The following OR2L13 variants were observed in gnomAD, a reference collection of about 807,000 sequenced individuals.
The protein encoded by OR2L13 is olfactory receptor 2L13.
A neutral mutation model predicts 15.3 loss-of-function variants in OR2L13; 14 were observed. The ratio of observed to expected loss-of-function variants is 0.91; its 90% CI spans 0.60 to 1.43. The LOEUF is 1.43. Among genes scored for constraint, OR2L13 ranks in the 40% most tolerant of loss-of-function variants. The probability of loss-of-function intolerance (pLI) is 0.00; values close to 1 mark genes in which losing one functional copy is unlikely to be tolerated. For synonymous variants in OR2L13, 152 were observed against 142.9 expected (o/e 1.06, Z -0.45); for missense variants, 367 against 387.9 (o/e 0.95, Z 0.45).
chr1:248,069,119 G>C, the OR2L13 span, among the ~76,000 whole-genome samples: 1 of 152,080 alleles, frequency 6.6e-6, no homozygotes, highest in Non-Finnish European at 1.5e-5. Context: ...AGGAAATACA[G>C]AGAACGCCAC....
At chr1:248,093,885 T>C (rs74153065), upstream of OR2L13, among the ~76,000 whole-genome samples, 6,462 of 152,072 alleles carry the variant, frequency 0.042, 463 homozygotes, top group African/African-American at 0.15. Context: ...AAATAATAAA[T>C]ATAGTAGAAT....
At chr1:247,973,217 A>G in the OR2L13 span, among the ~76,000 whole-genome samples, 1 of 152,190 alleles carries the variant, frequency 6.6e-6, no homozygotes, top group East Asian at 1.9e-4. Context: ...AAACCATAAC[A>G]AGACAAAAAA....
At chr1:247,965,474 C>G in the OR2L13 span, 47 of 1,613,754 alleles carry the variant, frequency 2.9e-5, no homozygotes, top group Non-Finnish European at 3.6e-5. Flanking sequence ...GTCATTGCCA[C>G]CCTCTTTACA....
chr1:248,064,933 A>C, the OR2L13 span, among the ~76,000 whole-genome samples: 1 of 152,212 alleles, frequency 6.6e-6, no homozygotes, highest in Non-Finnish European at 1.5e-5. Flanking sequence ...GGCTCAGGAA[A>C]GCAATAAGCT....
the OR2L13 span, among the ~76,000 whole-genome samples, chr1:248,072,507 C>A: frequency 7.2e-5 from 11 of 152,128 alleles, no homozygotes; most frequent in Middle Eastern, 3.4e-3. Flanking sequence ...AACGTTAGAC[C>A]TAAAACCATA....
the OR2L13 span, among the ~76,000 whole-genome samples, chr1:248,009,817 C>G: frequency 3.7e-4 from 57 of 152,136 alleles, no homozygotes; most frequent in African/African-American, 1.3e-3. Context: ...ACTTATCCAC[C>G]ACCATCAAGT....
At chr1:248,070,263 A>G in the OR2L13 span, among the ~76,000 whole-genome samples, 483 of 152,282 alleles carry the variant, frequency 3.2e-3, 7 homozygotes, top group African/African-American at 0.011. Context: ...AACAGAAATT[A>G]TAACAAACTG....
the OR2L13 span, among the ~76,000 whole-genome samples, chr1:248,007,166 G>C: frequency 1.3e-5 from 2 of 152,070 alleles, no homozygotes; most frequent in African/African-American, 4.8e-5. Context: ...CCATCTCTCT[G>C]AAGTTAGTTG....
the OR2L13 span, among the ~76,000 whole-genome samples, chr1:248,063,988 C>T: frequency 5.9e-5 from 9 of 152,292 alleles, no homozygotes; most frequent in African/African-American, 9.6e-5. Context: ...ATGATAACAG[C>T]GGAGCATGAA....
chr1:248,018,156 AAAAT>A, the OR2L13 span, among the ~76,000 whole-genome samples: 1 of 151,048 alleles, frequency 6.6e-6, no homozygotes, highest in African/African-American at 2.5e-5. Context: ...CCATCTCAAA[AAAAT>A]AAAAAAAAAA....
At chr1:248,043,983 C>T in the OR2L13 span, among the ~76,000 whole-genome samples, 2 of 152,168 alleles carry the variant, frequency 1.3e-5, no homozygotes, top group African/African-American at 4.8e-5. Context: ...TCTGGACACT[C>T]CCAAGTCTGG....
At chr1:248,090,313 G>A (rs955206112), upstream of OR2L13, among the ~76,000 whole-genome samples, 62 of 146,892 alleles carry the variant, frequency 4.2e-4, no homozygotes, top group African/African-American at 1.5e-3. Context: ...TTAATTTCTA[G>A]TTTTTGGGGT....
the OR2L13 span, chr1:247,990,795 T>C: frequency 6.2e-7 from 1 of 1,603,098 alleles, no homozygotes; most frequent in African/African-American, 1.3e-5. Context: ...TCAATCATTT[T>C]TTCTGTGATG....
At chr1:247,991,061 G>A in the OR2L13 span, 7 of 1,572,146 alleles carry the variant, frequency 4.5e-6, no homozygotes, top group South Asian at 3.3e-5. Flanking sequence ...AGATCCCTGC[G>A]ATCTCCGACA....
chr1:248,004,718 G>A, the OR2L13 span, among the ~76,000 whole-genome samples: 1 of 152,186 alleles, frequency 6.6e-6, no homozygotes. Flanking sequence ...GAATGTGCCA[G>A]CAGTAATAAA....
the OR2L13 span, among the ~76,000 whole-genome samples, chr1:247,969,285 T>G: frequency 2.6e-4 from 40 of 152,294 alleles, no homozygotes; most frequent in Non-Finnish European, 4.6e-4. Flanking sequence ...TTTCTCCCAT[T>G]CTGTAGGTTG....
the OR2L13 span, among the ~76,000 whole-genome samples, chr1:248,032,580 G>A: frequency 6.6e-6 from 1 of 152,048 alleles, no homozygotes; most frequent in Admixed American, 6.6e-5. Flanking sequence ...ACTACTCTGG[G>A]TACTTCCTGT....
the OR2L13 span, among the ~76,000 whole-genome samples, chr1:247,984,232 T>C: frequency 6.8e-6 from 1 of 147,982 alleles, no homozygotes; most frequent in African/African-American, 2.6e-5. Flanking sequence ...AATAAGTCAT[T>C]ATTATTATTA....
chr1:248,050,782 A>G, the OR2L13 span, among the ~76,000 whole-genome samples: 1 of 152,200 alleles, frequency 6.6e-6, no homozygotes, highest in Admixed American at 6.5e-5. Context: ...TAAATTACGG[A>G]GTATTGGATT....
Sources: gnomAD v4.1 joint callset for allele counts (sites outside exome capture counted in the v4.1 genomes callset) on GRCh38, gnomAD v4.1.1 for gene constraint, MANE v1.5 for transcripts, NCBI Gene and HGNC (gene_info 2026-07-23, HGNC 2026-07-21) for gene names.